ABCG2: variants seen among roughly 807,000 people sequenced by gnomAD.
ABCG2 encodes broad substrate specificity ATP-binding cassette transporter ABCG2.
Under a neutral mutation model 73.5 loss-of-function variants are expected in ABCG2, and 80 were observed. That is an observed-to-expected ratio of 1.09 (90% CI 0.91 to 1.31). The LOEUF (loss-of-function observed/expected upper bound fraction) is 1.31. ABCG2 is among the 50% of genes most tolerant of loss of function. The probability of loss-of-function intolerance (pLI) is 0.00; values close to 1 mark genes in which losing one functional copy is unlikely to be tolerated. For missense variants in ABCG2, 796 were observed against 786.2 expected (o/e 1.01, Z -0.15); for synonymous variants, 269 against 282.4 (o/e 0.95, Z 0.48).
chr4:88,230,308 T>TATCTATATATATATATATATATA (rs746680651), intron 1 of ABCG2, among the ~76,000 whole-genome samples: 1 of 96,236 alleles, frequency 1.0e-5, no homozygotes, highest in African/African-American at 4.3e-5. Context: ...TATATATATA[T>TATCTATATATATATATATATATA]TTTTTTTTTT....
chr4:88,205,036 T>C (rs1442463321), intron 1 of ABCG2, among the ~76,000 whole-genome samples: 1 of 152,198 alleles, frequency 6.6e-6, no homozygotes, highest in East Asian at 1.9e-4. Context: ...TACTGCCAAT[T>C]CTTACTCTTG....
chr4:88,159,460 TA>T, upstream of ABCG2: 1 of 341,124 alleles, frequency 2.9e-6, no homozygotes, highest in South Asian at 2.1e-5. Flanking sequence ...GTTTAAATGT[TA>T]TTCTTTACAC....
intron 1 of ABCG2, among the ~76,000 whole-genome samples, chr4:88,145,727 G>A (rs1007838870): frequency 1.3e-5 from 2 of 152,126 alleles, no homozygotes; most frequent in African/African-American, 4.8e-5. Context: ...ATTACTTGAG[G>A]TCAGGAGTTC....
chr4:88,160,029 G>A (rs993820491), upstream of ABCG2, among the ~76,000 whole-genome samples: 1 of 151,934 alleles, frequency 6.6e-6, no homozygotes, highest in Non-Finnish European at 1.5e-5. Context: ...GATCACTTGA[G>A]GCCAGGAGTT....
intron 1 of ABCG2, among the ~76,000 whole-genome samples, chr4:88,167,456 C>A (rs1727578446): frequency 6.6e-6 from 1 of 150,454 alleles, no homozygotes; most frequent in Non-Finnish European, 1.5e-5. Context: ...TCACTGCAAC[C>A]TTCGCCTCCC....
At chr4:88,149,244 G>T (rs1332813162) in intron 1 of ABCG2, among the ~76,000 whole-genome samples, 2 of 152,056 alleles carry the variant, frequency 1.3e-5, no homozygotes, top group Non-Finnish European at 2.9e-5. Flanking sequence ...ATAAATAAAA[G>T]AATTCTGTCC....
At chr4:88,129,046 A>C (rs1471753589) in intron 5 of ABCG2, among the ~76,000 whole-genome samples, 1 of 152,192 alleles carries the variant, frequency 6.6e-6, no homozygotes, top group Non-Finnish European at 1.5e-5. Flanking sequence ...AAGGGAGATA[A>C]AGTCAGGAGA....
At chr4:88,177,746 G>T (rs1298589022) in intron 1 of ABCG2, among the ~76,000 whole-genome samples, 1 of 152,158 alleles carries the variant, frequency 6.6e-6, no homozygotes, top group African/African-American at 2.4e-5. Context: ...ATACCATGGA[G>T]AGAGAAATCT....
chr4:88,209,321 A>C lies in ABCG2; in HGVS notation c.-20+21673T>G, dbSNP rs1045656953. On this transcript the variant is annotated intron_variant, in intron 1 of 15. Transcript: ENST00000515655. The stretch of plus-strand genomic sequence containing the variant: ...CGAGACTCCATCTCAAAAAAAAAAA[A>C]AAAAACAAAAAAGCAAACAAGAAAC... 1.2e-4 allele frequency among the ~76,000 whole-genome samples: 18 copies of C among 151,178 alleles called. No individual in the cohort carries two copies. In the East Asian group the frequency reaches 2.7e-3, roughly 23 times the overall value.
intron 1 of ABCG2, among the ~76,000 whole-genome samples, chr4:88,205,125 A>G (rs1396513861): frequency 6.6e-6 from 1 of 152,202 alleles, no homozygotes; most frequent in African/African-American, 2.4e-5. Context: ...CAACAGGGGC[A>G]CACTAGGAAA....
intron 1 of ABCG2, among the ~76,000 whole-genome samples, chr4:88,177,268 G>T (rs1728035253): frequency 6.6e-6 from 1 of 152,056 alleles, no homozygotes; most frequent in African/African-American, 2.4e-5. Context: ...CAGCTACTCG[G>T]GAGGGTGAGG....
intron 8 of ABCG2, among the ~76,000 whole-genome samples, chr4:88,114,149 T>C (rs964750811): frequency 6.6e-6 from 1 of 151,090 alleles, no homozygotes; most frequent in Non-Finnish European, 1.5e-5. Flanking sequence ...TAAAAATAAA[T>C]AAAGTAAGTA....
intron 1 of ABCG2, among the ~76,000 whole-genome samples, chr4:88,140,468 A>G (rs1725555595): frequency 6.6e-6 from 1 of 152,252 alleles, no homozygotes; most frequent in South Asian, 2.1e-4. Context: ...CTAATAATAC[A>G]AAAGTTAGCC....
intron 9 of ABCG2, among the ~76,000 whole-genome samples, chr4:88,110,009 G>A (rs1723025130): frequency 6.6e-6 from 1 of 152,040 alleles, no homozygotes; most frequent in South Asian, 2.1e-4. Context: ...GAGTGCAGTG[G>A]TGTAATCATA....
chr4:88,123,877 T>C (rs1428024262), intron 5 of ABCG2, among the ~76,000 whole-genome samples: 2 of 151,992 alleles, frequency 1.3e-5, no homozygotes, highest in African/African-American at 4.8e-5. Context: ...TCATGAAGGT[T>C]GAAATGAAGG....
At chr4:88,178,060 G>A (rs1728081640) in intron 1 of ABCG2, among the ~76,000 whole-genome samples, 1 of 152,160 alleles carries the variant, frequency 6.6e-6, no homozygotes, top group Non-Finnish European at 1.5e-5. Context: ...TGGACTTGAA[G>A]GGCAACATGA....
At chr4:88,177,235 A>C (rs1036078564) in intron 1 of ABCG2, among the ~76,000 whole-genome samples, 7 of 151,962 alleles carry the variant, frequency 4.6e-5, no homozygotes, top group Non-Finnish European at 8.8e-5. Flanking sequence ...ATTAGCCAGC[A>C]TGGTGGCAGG....
At chr4:88,107,977 C>G (rs1722871598) in intron 9 of ABCG2, among the ~76,000 whole-genome samples, 1 of 152,192 alleles carries the variant, frequency 6.6e-6, no homozygotes, top group Non-Finnish European at 1.5e-5. Context: ...GCTTCCTCAT[C>G]GCTTCAGCCA....
chr4:88,107,099 T>C (rs1578180595), intron 10 of ABCG2, 85 bp downstream of exon 10: 8 of 1,012,944 alleles, frequency 7.9e-6, no homozygotes, highest in African/African-American at 1.6e-5. Context: ...ACTATACTTG[T>C]CTTAAATTCA....
Sources: gnomAD v4.1 joint callset for allele counts (sites outside exome capture counted in the v4.1 genomes callset) on GRCh38, gnomAD v4.1.1 for gene constraint, MANE v1.5 for transcripts, NCBI Gene and HGNC (gene_info 2026-07-23, HGNC 2026-07-21) for gene names.